The following GRID2 variants were observed in gnomAD, a reference collection of about 807,000 sequenced individuals.
GRID2 encodes glutamate receptor ionotropic, delta-2.
A neutral mutation model predicts 114.8 loss-of-function variants in GRID2; 33 were observed. The ratio of observed to expected loss-of-function variants is 0.29; its 90% confidence interval spans 0.22 to 0.38. The LOEUF (loss-of-function observed/expected upper bound fraction) is 0.38, where lower values mean the gene tolerates loss of function less well. Among genes scored for constraint, GRID2 ranks in the 10% least tolerant of loss-of-function variants. GRID2 has a pLI of 1.00. For missense variants in GRID2, 1,184 were observed against 1,257.7 expected (o/e 0.94, Z 0.89); for synonymous variants, 505 against 449.9 (o/e 1.12, Z -1.55).
intron 4 of GRID2, chr4:93,166,190 T>C (rs1404087678): frequency 1.3e-5 from 2 of 152,064 alleles, no homozygotes; most frequent in African/African-American, 2.4e-5. Context: ...AATGAAAAAT[T>C]GTAGTGGACT....
intron 2 of GRID2, among the ~76,000 whole-genome samples, chr4:92,672,175 C>T (rs922128838): frequency 4.6e-5 from 7 of 152,026 alleles, no homozygotes; most frequent in African/African-American, 1.4e-4. Context: ...GTGTCCATCA[C>T]CCACCTTCAA....
intron 8 of GRID2, among the ~76,000 whole-genome samples, chr4:93,341,797 C>G (rs1401190325): frequency 6.6e-6 from 1 of 152,072 alleles, no homozygotes; most frequent in Non-Finnish European, 1.5e-5. Context: ...CCTTGAGTTT[C>G]TCTATCATGA....
At chr4:92,668,691 G>A (rs909193946) in intron 2 of GRID2, among the ~76,000 whole-genome samples, 2 of 151,744 alleles carry the variant, frequency 1.3e-5, no homozygotes, top group Non-Finnish European at 2.9e-5. Context: ...TACACCTTTA[G>A]CATGACTTAC....
At chr4:92,518,726 C>T (rs1045458506) in intron 1 of GRID2, among the ~76,000 whole-genome samples, 1 of 151,638 alleles carries the variant, frequency 6.6e-6, no homozygotes, top group Admixed American at 6.6e-5. Flanking sequence ...TAAATAAATA[C>T]ATAAAAGGTA....
At chr4:92,695,226 A>C (rs1365159205) in intron 2 of GRID2, among the ~76,000 whole-genome samples, 2 of 152,086 alleles carry the variant, frequency 1.3e-5, no homozygotes, top group African/African-American at 2.4e-5. Flanking sequence ...TCAGCCTCCC[A>C]AAGTGCTTGG....
intron 2 of GRID2, among the ~76,000 whole-genome samples, chr4:92,841,645 C>T (rs1742904709): frequency 6.6e-6 from 1 of 152,010 alleles, no homozygotes; most frequent in African/African-American, 2.4e-5. Flanking sequence ...TAGATGCATG[C>T]TCTCCAGTTC....
At chr4:92,476,208 G>A (rs1722306519) in intron 1 of GRID2, among the ~76,000 whole-genome samples, 1 of 151,866 alleles carries the variant, frequency 6.6e-6, no homozygotes, top group Non-Finnish European at 1.5e-5. Flanking sequence ...TGTACTTTTA[G>A]TAGAGACCGG....
intron 13 of GRID2, among the ~76,000 whole-genome samples, chr4:93,588,963 A>G (rs1438788416): frequency 6.6e-6 from 1 of 152,026 alleles, no homozygotes. Flanking sequence ...CATATACATT[A>G]TACCCAGAAT....
intron 2 of GRID2, among the ~76,000 whole-genome samples, chr4:92,942,688 G>A (rs770033564): frequency 3.3e-5 from 5 of 152,168 alleles, no homozygotes; most frequent in Non-Finnish European, 7.3e-5. Context: ...AATTGTGTAT[G>A]TTTTTGCAGT....
rs181636395 is a variant in GRID2, at chr4:93,149,531, A to C, written c.735+38578A>C. ...GCAGAGATTGCAGTGAGCCAAGATC[A>C]CACCACTGCATTCTAGCCTGTGCAA... On this transcript the variant is annotated intron_variant, in intron 4 of 15. Coordinates refer to ENST00000282020, the MANE Select transcript of GRID2 (RefSeq NM_001510.4). 4.2e-3 allele frequency among the ~76,000 whole-genome samples: 641 copies of C among 151,790 alleles called. 8 individuals are homozygous for C. Among genetic ancestry groups the C allele is most frequent in the African/African-American group, 0.015 (618 of 41,410 alleles).
At position 93,332,291 on chromosome 4, in the gene GRID2, T is replaced by A. The variant is rs368149558; in HGVS notation, c.1246-63316T>A. Among the ~76,000 whole-genome samples, 546 of 107,288 alleles carry A rather than the reference T, an allele frequency of 5.1e-3. 1 individual carries two copies. Among genetic ancestry groups the A allele is most frequent in the African/African-American group, 0.011 (197 of 18,426 alleles). The allele number at this position is 107,288 out of a possible 152,430, so 70.4% of individuals were successfully genotyped here. A position where few individuals can be genotyped will look rare whatever the true frequency, so the allele number is the denominator to read the frequency against. ...GCGTGTGTGTGTGTGTGTGTGTGTG[T>A]GTGTGTGTGAGAGAGAGAGAGAGAG... On this transcript the variant is annotated intron_variant, in intron 8 of 15. Transcript: ENST00000282020.
At chr4:93,631,785 C>A (rs562665323) in intron 14 of GRID2, among the ~76,000 whole-genome samples, 2 of 152,192 alleles carry the variant, frequency 1.3e-5, no homozygotes, top group African/African-American at 4.8e-5. Flanking sequence ...CCTGAGGAAT[C>A]GCCACACTGT....
At chr4:93,298,987 G>C (rs924083533) in intron 8 of GRID2, among the ~76,000 whole-genome samples, 5 of 152,114 alleles carry the variant, frequency 3.3e-5, no homozygotes, top group African/African-American at 1.2e-4. Context: ...AATGAAATAG[G>C]CTAAAATAAA....
chr4:93,470,343 A>G (rs1724685963), intron 11 of GRID2, among the ~76,000 whole-genome samples: 1 of 152,124 alleles, frequency 6.6e-6, no homozygotes, highest in Admixed American at 6.6e-5. Flanking sequence ...GCAATTTAAC[A>G]TGCATTTACC....
intron 2 of GRID2, among the ~76,000 whole-genome samples, chr4:92,733,434 C>T (rs548424557): frequency 4.4e-4 from 67 of 152,096 alleles, no homozygotes; most frequent in East Asian, 1.2e-3. Flanking sequence ...TGACCTCTCC[C>T]GAGGAGTCAG....
At chr4:93,401,293 A>T (rs1765861732) in intron 9 of GRID2, among the ~76,000 whole-genome samples, 1 of 152,142 alleles carries the variant, frequency 6.6e-6, no homozygotes, top group East Asian at 1.9e-4. Context: ...CTGGAAGTCT[A>T]TAGTAAAGAC....
chr4:93,758,976 C>T (rs1321034731), intron 14 of GRID2, among the ~76,000 whole-genome samples: 1 of 152,026 alleles, frequency 6.6e-6, no homozygotes, highest in African/African-American at 2.4e-5. Context: ...CAATTATGCC[C>T]TCTATCTCAG....
chr4:92,600,531 G>A (rs1430584353), intron 2 of GRID2, among the ~76,000 whole-genome samples: 1 of 152,168 alleles, frequency 6.6e-6, no homozygotes, highest in African/African-American at 2.4e-5. Context: ...AGAACTACGG[G>A]ATTGTGTAAA....
At chr4:92,456,401 A>G (rs913050829) in intron 1 of GRID2, among the ~76,000 whole-genome samples, 1 of 152,138 alleles carries the variant, frequency 6.6e-6, no homozygotes, top group African/African-American at 2.4e-5. Flanking sequence ...TGGTTTATAT[A>G]TAAGTTTAAA....
Sources: allele counts gnomAD v4.1 joint callset (sites outside exome capture counted in the v4.1 genomes callset), GRCh38; gene constraint gnomAD v4.1.1; transcripts MANE v1.5; gene names NCBI Gene and HGNC (gene_info 2026-07-23, HGNC 2026-07-21).